The following SEPHS1 variants were observed in gnomAD, a reference collection of about 807,000 sequenced individuals.
SEPHS1 encodes zincore component SEPHS1.
SEPHS1 carries 7 observed loss-of-function variants against 39.2 expected under a neutral mutation model. The observed-to-expected ratio is 0.18, with a 90% confidence interval of 0.10 to 0.34. SEPHS1 has a LOEUF of 0.34. Ranked by LOEUF, SEPHS1 falls within the 10% of genes least tolerant of loss-of-function variation. SEPHS1 has a pLI of 1.00. For synonymous variants in SEPHS1, 190 were observed against 195.5 expected (o/e 0.97, Z 0.23); for missense variants, 253 against 514.5 (o/e 0.49, Z 4.92).
intron 5 of SEPHS1, 42 bp from the exon 6 acceptor site, chr10:13,329,830 G>A (rs1202453183): frequency 1.4e-6 from 2 of 1,432,068 alleles, no homozygotes; most frequent in Non-Finnish European, 1.9e-6. Flanking sequence ...AACTAACCAA[G>A]GAGATGAGCT....
chr10:13,333,833 G>T lies in SEPHS1; in HGVS notation c.544C>A (p.Pro182Thr). ...LGGVATTVCQ[P>T]NEFIMPDNAV... is the part of the protein sequence containing the mutation. The stretch of plus-strand genomic sequence containing the variant: ...TCAACTTACATGATAAATTCATTGG[G>T]TTGGCAGACAGTGGTAGCCACTCCT... The change falls in exon 5 of 9, where the codon CCC (proline) becomes ACC (threonine). Residue 182 changes from proline to threonine, a missense_variant. Around this residue, in one of 4 missense-constraint regions of SEPHS1, gnomAD observed 107 missense variants for 257.1 expected, o/e 0.42. Coordinates refer to ENST00000327347, the MANE Select transcript of SEPHS1 (RefSeq NM_012247.5). The T allele has an allele frequency of 6.2e-7, 1 of 1,613,618 alleles. No individual in the cohort carries two copies. Among genetic ancestry groups the T allele is most frequent in the Non-Finnish European group, 8.5e-7 (1 of 1,179,928 alleles).
intron 2 of SEPHS1, among the ~76,000 whole-genome samples, chr10:13,342,743 T>A (rs943572416): frequency 4.6e-5 from 7 of 151,998 alleles, no homozygotes; most frequent in African/African-American, 1.7e-4. Flanking sequence ...AGTAATCTTT[T>A]TTTTTTTTTT....
intron 5 of SEPHS1, among the ~76,000 whole-genome samples, chr10:13,333,072 C>A (rs1833517774): frequency 6.6e-6 from 1 of 152,006 alleles, no homozygotes; most frequent in Non-Finnish European, 1.5e-5. Flanking sequence ...TGAGTATACT[C>A]CAAACCACTG....
chr10:13,338,691 C>T lies in SEPHS1; in HGVS notation c.297+14G>A, dbSNP rs111599483. ...AGCCCTTCCAGTCACAAAAACACAT[C>T]GGCTCACGCTTACCATCATGTAAGG... On this transcript the variant is annotated intron_variant, in intron 3 of 8. Transcript: ENST00000327347. 2.5e-5 allele frequency: 40 copies of T among 1,600,006 alleles called. No individual in the cohort carries two copies. The highest frequency in any genetic ancestry group is 1.7e-4 in the Middle Eastern group (1 of 6,030).
chr10:13,327,801 A>G (rs1035327773), intron 7 of SEPHS1, among the ~76,000 whole-genome samples: 3 of 152,240 alleles, frequency 2.0e-5, no homozygotes, highest in African/African-American at 7.2e-5. Flanking sequence ...AAAGGAATCT[A>G]CTACAGCTAC....
intron 1 of SEPHS1, 53 bp downstream of exon 1, chr10:13,347,940 TGCGGACC>T (rs1833983404): frequency 6.9e-6 from 1 of 145,912 alleles, no homozygotes; most frequent in African/African-American, 2.5e-5. Context: ...GCCGCGGGCC[TGCGGACC>T]CAGATTCCCC....
chr10:13,335,959 G>A (rs907123352), intron 4 of SEPHS1, among the ~76,000 whole-genome samples: 68 of 139,690 alleles, frequency 4.9e-4, no homozygotes, highest in Non-Finnish European at 7.9e-4. Context: ...CAGCCTGGGC[G>A]ACAGAGTGAG....
chr10:13,318,986 G>A lies in SEPHS1; in HGVS notation c.*156C>T. The A allele has an allele frequency of 1.5e-6, 1 of 681,416 alleles. No individual in the cohort carries two copies. Among genetic ancestry groups the A allele is most frequent in the Non-Finnish European group, 2.5e-6 (1 of 405,436 alleles). 42.2% of individuals were successfully genotyped at this position (681,416 alleles called of 1,614,324 possible). ...AATGTAACAGGAAAAAAAGGCAATG[G>A]ATTTTATTTTATTAATTGTATCCAC... On this transcript the variant is annotated 3_prime_UTR_variant, in exon 9 of 9. Coordinates refer to ENST00000327347, the MANE Select transcript of SEPHS1 (RefSeq NM_012247.5).
At chr10:13,347,780 C>CGCGGCG (rs537003074) in intron 1 of SEPHS1, among the ~76,000 whole-genome samples, 8 of 138,388 alleles carry the variant, frequency 5.8e-5, no homozygotes, top group East Asian at 2.3e-4. Context: ...CCCGGCCCCG[C>CGCGGCG]GCGGCGGCGG....
intron 1 of SEPHS1, among the ~76,000 whole-genome samples, chr10:13,346,362 T>C (rs1833920914): frequency 1.3e-5 from 2 of 152,266 alleles, no homozygotes; most frequent in South Asian, 2.1e-4. Context: ...ATAATTCCCA[T>C]TTATAGAGTT....
chr10:13,341,350 G>A (rs1046243580), intron 2 of SEPHS1, among the ~76,000 whole-genome samples: 2 of 150,552 alleles, frequency 1.3e-5, no homozygotes, highest in Non-Finnish European at 3.0e-5. Context: ...TAATGACCAG[G>A]AGGCAATGGG....
chr10:13,346,824 T>A (rs548668963), intron 1 of SEPHS1, among the ~76,000 whole-genome samples: 1 of 152,304 alleles, frequency 6.6e-6, no homozygotes, highest in Admixed American at 6.5e-5. Flanking sequence ...AGGGGAATTG[T>A]GTGGCTATCA....
chr10:13,326,738 T>C (rs1432515066), intron 7 of SEPHS1, among the ~76,000 whole-genome samples: 1 of 152,062 alleles, frequency 6.6e-6, no homozygotes, highest in Non-Finnish European at 1.5e-5. Context: ...CTCACTATGT[T>C]GCCTAGGCTG....
At chr10:13,321,809 C>G (rs895805404) in intron 8 of SEPHS1, among the ~76,000 whole-genome samples, 2 of 152,182 alleles carry the variant, frequency 1.3e-5, no homozygotes, top group African/African-American at 4.8e-5. Flanking sequence ...GGCCGGCAGG[C>G]CATGCTGGAG....
rs1207258954 is a variant in SEPHS1, at chr10:13,318,203, T to C, written c.*939A>G. 6.6e-6 allele frequency: 1 copy of C among 152,518 alleles called. No individual in the cohort carries two copies. Among genetic ancestry groups the C allele is most frequent in the African/African-American group, 2.4e-5 (1 of 41,406 alleles). The allele number at this position is 152,518 out of a possible 1,614,324, so 9.4% of individuals were successfully genotyped here. ...AAAAGTACTGGCGCAAAGGACAAAA[T>C]AATGCTAAGAATTAGGCCAAACAGC... On this transcript the variant is annotated 3_prime_UTR_variant, in exon 9 of 9. Transcript: ENST00000327347.
Position 13,317,551 on chromosome 10 carries a change from C to G in SEPHS1, c.*1591G>C. 1 of 152,220 alleles carries G rather than the reference C, an allele frequency of 6.6e-6. No individual in the cohort carries two copies. The highest frequency in any genetic ancestry group is 1.5e-5 in the Non-Finnish European group (1 of 68,068). 9.4% of individuals were successfully genotyped at this position (152,220 alleles called of 1,614,324 possible). A position where few individuals can be genotyped will look rare whatever the true frequency, so the allele number is the denominator to read the frequency against. ...ATCACTTTCAGTTCCGTAGCAGGCT[C>G]TTCCATACTGCACACCATGCTTATG... On this transcript the variant is annotated 3_prime_UTR_variant, in exon 9 of 9. Coordinates refer to ENST00000327347, the MANE Select transcript of SEPHS1 (RefSeq NM_012247.5).
At chr10:13,339,844 T>C (rs2130687631) in intron 2 of SEPHS1, among the ~76,000 whole-genome samples, 1 of 152,262 alleles carries the variant, frequency 6.6e-6, no homozygotes, top group African/African-American at 2.4e-5. Flanking sequence ...CAAAAAAAAG[T>C]CTGTGCATGT....
chr10:13,341,158 T>C (rs543933680), intron 2 of SEPHS1, among the ~76,000 whole-genome samples: 26 of 152,194 alleles, frequency 1.7e-4, no homozygotes, highest in African/African-American at 5.3e-4. Flanking sequence ...GGTTTAGAAA[T>C]CACCAATCAC....
intron 3 of SEPHS1, 87 bp from the exon 4 acceptor site, chr10:13,336,437 G>T: frequency 1.0e-6 from 1 of 960,126 alleles, no homozygotes; most frequent in Non-Finnish European, 1.7e-6. Flanking sequence ...ACTCCACAGA[G>T]AACGTGGAGA....
Sources: gnomAD v4.1 joint callset for allele counts (sites outside exome capture counted in the v4.1 genomes callset) on GRCh38, gnomAD v4.1.1 for gene constraint, gnomAD v4.1.1 regional missense constraint, MANE v1.5 for transcripts, NCBI Gene and HGNC (gene_info 2026-07-23, HGNC 2026-07-21) for gene names.